The following GNB1 variants were observed in gnomAD, a reference collection of about 807,000 sequenced individuals.
GNB1 encodes G protein subunit beta 1, also known as guanine nucleotide-binding protein G(I)/G(S)/G(T) subunit beta-1.
GNB1 carries 2 observed loss-of-function variants against 42.9 expected under a neutral mutation model. The ratio of observed to expected loss-of-function variants is 0.05; its 90% CI spans 0.02 to 0.15. The LOEUF (loss-of-function observed/expected upper bound fraction) is 0.15. GNB1 is among the 10% of genes least tolerant of loss of function. GNB1 has a pLI of 1.00. For synonymous variants in GNB1, 183 were observed against 174.7 expected (o/e 1.05, Z -0.38); for missense variants, 193 against 462.2 (o/e 0.42, Z 5.34).
intron 1 of GNB1, among the ~76,000 whole-genome samples, chr1:1,857,528 C>G (rs1005191728): frequency 6.6e-6 from 1 of 152,176 alleles, no homozygotes; most frequent in African/African-American, 2.4e-5. Flanking sequence ...CACTGTGGAA[C>G]TGGGGAGGAT....
intron 2 of GNB1, among the ~76,000 whole-genome samples, chr1:1,834,594 G>T (rs1023006424): frequency 2.0e-5 from 3 of 151,890 alleles, no homozygotes; most frequent in African/African-American, 7.3e-5. Flanking sequence ...CAGAAGACGG[G>T]TCTAACAGGG....
chr1:1,841,097 G>A (rs972985771), intron 1 of GNB1, among the ~76,000 whole-genome samples: 1 of 151,966 alleles, frequency 6.6e-6, no homozygotes, highest in Admixed American at 6.6e-5. Context: ...TCACCATATT[G>A]GTCAGTATGG....
intron 1 of GNB1, among the ~76,000 whole-genome samples, chr1:1,863,028 C>G (rs149283291): frequency 1.3e-5 from 2 of 152,312 alleles, no homozygotes; most frequent in East Asian, 3.9e-4. Flanking sequence ...GTGCTAGACC[C>G]AGGCTGAATG....
At chr1:1,861,181 G>A (rs1338228764) in intron 1 of GNB1, among the ~76,000 whole-genome samples, 2 of 151,032 alleles carry the variant, frequency 1.3e-5, no homozygotes, top group African/African-American at 4.9e-5. Context: ...GCACAGCTGC[G>A]CACAGTGGCT....
chr1:1,831,207 C>G (rs543545978), intron 2 of GNB1, among the ~76,000 whole-genome samples: 1 of 151,952 alleles, frequency 6.6e-6, no homozygotes, highest in Admixed American at 6.6e-5. Flanking sequence ...TATCGTGGAA[C>G]GTGCCTGTAG....
At chr1:1,839,691 AC>A (rs1188369632) in intron 1 of GNB1, 1 of 150,026 alleles carries the variant, frequency 6.7e-6, no homozygotes, top group African/African-American at 2.4e-5. Context: ...CACTAAAAAT[AC>A]AAAAAAAAAA....
intron 4 of GNB1, among the ~76,000 whole-genome samples, chr1:1,816,117 T>C (rs1646851834): frequency 6.6e-6 from 1 of 152,220 alleles, no homozygotes; most frequent in African/African-American, 2.4e-5. Flanking sequence ...TGGCCAGCCT[T>C]GAAGCACTTG....
intron 1 of GNB1, among the ~76,000 whole-genome samples, chr1:1,873,196 G>T (rs1489225783): frequency 1.3e-5 from 2 of 152,138 alleles, no homozygotes; most frequent in African/African-American, 4.8e-5. Flanking sequence ...CAGCACTCCT[G>T]GCCTATGCTA....
intron 1 of GNB1, among the ~76,000 whole-genome samples, chr1:1,863,392 A>G (rs1648735401): frequency 6.6e-6 from 1 of 152,238 alleles, no homozygotes; most frequent in South Asian, 2.1e-4. Flanking sequence ...CTCCCACAGA[A>G]ACCTGACCAA....
At chr1:1,820,764 G>A (rs1646921205) in intron 3 of GNB1, among the ~76,000 whole-genome samples, 1 of 152,200 alleles carries the variant, frequency 6.6e-6, no homozygotes, top group African/African-American at 2.4e-5. Context: ...GTAACAGACT[G>A]TGGTGATACT....
intron 1 of GNB1, among the ~76,000 whole-genome samples, chr1:1,859,813 G>C (rs1648520419): frequency 6.6e-6 from 1 of 151,036 alleles, no homozygotes; most frequent in African/African-American, 2.4e-5. Flanking sequence ...GATCGAGATC[G>C]ACCATCCTTG....
At chr1:1,840,206 T>G in intron 1 of GNB1, among the ~76,000 whole-genome samples, 1 of 144,938 alleles carries the variant, frequency 6.9e-6, no homozygotes. Flanking sequence ...TCAGCCTGGG[T>G]GATAGAGCAA....
chr1:1,822,335 T>C (rs1253363074), intron 3 of GNB1, among the ~76,000 whole-genome samples: 3 of 144,710 alleles, frequency 2.1e-5, no homozygotes, highest in Non-Finnish European at 4.5e-5. Flanking sequence ...GGAGTCTCGC[T>C]CTGTCTCCCA....
chr1:1,842,158 C>A (rs1233207889), intron 1 of GNB1, among the ~76,000 whole-genome samples: 2 of 151,840 alleles, frequency 1.3e-5, no homozygotes, highest in Non-Finnish European at 2.9e-5. Flanking sequence ...TTGCCAGGCA[C>A]GGTGGCTCAC....
At chr1:1,879,419 T>C (rs1649718522) in intron 1 of GNB1, among the ~76,000 whole-genome samples, 1 of 152,158 alleles carries the variant, frequency 6.6e-6, no homozygotes, top group South Asian at 2.1e-4. Context: ...GAACAACTAC[T>C]TTCTAGGCCG....
intron 7 of GNB1, among the ~76,000 whole-genome samples, chr1:1,801,058 C>T (rs757803543): frequency 4.6e-5 from 7 of 152,264 alleles, no homozygotes; most frequent in Non-Finnish European, 8.8e-5. Context: ...GAGACGGAGT[C>T]TCACTCTGTT....
chr1:1,845,822 CAT>C (rs577779841), intron 1 of GNB1, among the ~76,000 whole-genome samples: 143 of 87,082 alleles, frequency 1.6e-3, no homozygotes, highest in African/African-American at 6.4e-3. Context: ...TGTGTAAGTC[CAT>C]ACACACACAC....
chr1:1,822,287 G>A (rs541101252), intron 3 of GNB1, among the ~76,000 whole-genome samples: 2 of 148,050 alleles, frequency 1.4e-5, no homozygotes, highest in African/African-American at 2.5e-5. Context: ...GTGCCTGGCC[G>A]TCTCTCTTTT....
chr1:1,789,579 C>A (rs750908585), intron 9 of GNB1, among the ~76,000 whole-genome samples: 2 of 152,068 alleles, frequency 1.3e-5, no homozygotes, highest in Non-Finnish European at 2.9e-5. Flanking sequence ...GTAATCCCAG[C>A]TACTCAAGAG....
Sources: allele counts gnomAD v4.1 joint callset (sites outside exome capture counted in the v4.1 genomes callset), GRCh38; gene constraint gnomAD v4.1.1; transcripts MANE v1.5; gene names NCBI Gene and HGNC (gene_info 2026-07-23, HGNC 2026-07-21).